The following CNOT1 variants were observed in gnomAD, a reference collection of about 807,000 sequenced individuals.
CNOT1 encodes the protein CCR4-associated factor 1.
Under a neutral mutation model 273.8 loss-of-function variants are expected in CNOT1, and 15 were observed. The ratio of observed to expected loss-of-function variants is 0.05; its 90% CI spans 0.04 to 0.08. The LOEUF is 0.08. CNOT1 is among the 10% of genes least tolerant of loss of function. CNOT1 has a pLI of 1.00. For missense variants in CNOT1, 1,644 were observed against 2,912.2 expected (o/e 0.56, Z 10.02); for synonymous variants, 1,022 against 1,005.5 (o/e 1.02, Z -0.31).
At chr16:58,602,698 T>C (rs1319768479) in intron 1 of CNOT1, among the ~76,000 whole-genome samples, 1 of 150,632 alleles carries the variant, frequency 6.6e-6, no homozygotes, top group Non-Finnish European at 1.5e-5. Flanking sequence ...GCCACCTCAC[T>C]CCAGCCTGGG....
intron 37 of CNOT1, 26 bp downstream of exon 37, chr16:58,538,132 T>C: frequency 6.2e-7 from 1 of 1,607,734 alleles, no homozygotes; most frequent in Non-Finnish European, 8.5e-7. Flanking sequence ...AGTCCTTTTG[T>C]CCGTGCAAGT....
intron 2 of CNOT1, among the ~76,000 whole-genome samples, chr16:58,590,092 G>C (rs916224638): frequency 1.3e-5 from 2 of 152,112 alleles, no homozygotes; most frequent in Admixed American, 1.3e-4. Context: ...GAAAATAATT[G>C]AGCACAGTGT....
chr16:58,540,165 G>T, intron 34 of CNOT1: 1 of 450,128 alleles, frequency 2.2e-6, no homozygotes, highest in Non-Finnish European at 3.9e-6. Context: ...AGGCATAAGG[G>T]AAGAGGTGTT....
At chr16:58,597,369 G>A (rs1443064759) in intron 2 of CNOT1, among the ~76,000 whole-genome samples, 1 of 152,006 alleles carries the variant, frequency 6.6e-6, no homozygotes, top group Non-Finnish European at 1.5e-5. Context: ...CAGCTACTCG[G>A]GAGGCTGAGA....
chr16:58,566,262 A>T (rs1567410954), intron 16 of CNOT1, among the ~76,000 whole-genome samples: 2 of 152,238 alleles, frequency 1.3e-5, no homozygotes, highest in Non-Finnish European at 2.9e-5. Flanking sequence ...CACATTAAAG[A>T]TTACAACTCC....
chr16:58,604,563 C>G (rs546119725), intron 1 of CNOT1, among the ~76,000 whole-genome samples: 1 of 150,336 alleles, frequency 6.7e-6, no homozygotes, highest in Non-Finnish European at 1.5e-5. Flanking sequence ...GGGTGAATCA[C>G]CTGAGGTCGG....
intron 16 of CNOT1, among the ~76,000 whole-genome samples, chr16:58,567,633 A>C (rs1396726980): frequency 1.3e-5 from 2 of 152,126 alleles, no homozygotes; most frequent in Non-Finnish European, 2.9e-5. Context: ...AGCAACTAGA[A>C]AAGTGTCTGA....
intron 16 of CNOT1, among the ~76,000 whole-genome samples, chr16:58,567,836 G>A (rs1428143090): frequency 1.3e-5 from 2 of 152,168 alleles, no homozygotes. Flanking sequence ...AATCAAAACA[G>A]GGTTAAAACA....
intron 2 of CNOT1, among the ~76,000 whole-genome samples, chr16:58,592,740 T>C (rs1435984314): frequency 6.6e-6 from 1 of 152,120 alleles, no homozygotes; most frequent in Admixed American, 6.5e-5. Flanking sequence ...TCTGTTCAAG[T>C]GATGAATCTG....
At chr16:58,525,701 C>T (rs1304406549) in intron 45 of CNOT1, among the ~76,000 whole-genome samples, 2 of 152,264 alleles carry the variant, frequency 1.3e-5, no homozygotes, top group East Asian at 3.9e-4. Context: ...TCCAAAATAT[C>T]CTATAGAGAA....
chr16:58,520,181 G>A lies in CNOT1; in HGVS notation c.*777C>T, dbSNP rs2039316234. On this transcript the variant is annotated 3_prime_UTR_variant, in exon 49 of 49. Transcript: ENST00000317147. ...TAATGGGGGAGAACAATTAATTAAT[G>A]AGATTTGGTTCCCTTTCCTATATTC... 6.6e-6 allele frequency: 1 copy of A among 152,036 alleles called. No individual in the cohort carries two copies. The highest frequency in any genetic ancestry group is 1.5e-5 in the Non-Finnish European group (1 of 68,006). 9.4% of individuals were successfully genotyped at this position (152,036 alleles called of 1,614,324 possible). A position where few individuals can be genotyped will look rare whatever the true frequency, so the allele number is the denominator to read the frequency against.
chr16:58,532,466 T>C, intron 40 of CNOT1, 71 bp from the exon 41 acceptor site: 2 of 1,559,046 alleles, frequency 1.3e-6, no homozygotes, highest in Admixed American at 3.8e-5. Flanking sequence ...GTCATGCTTT[T>C]TAAACTTTGC....
intron 34 of CNOT1, 77 bp from the exon 35 acceptor site, chr16:58,540,036 G>A (rs76150367): frequency 0.014 from 20,331 of 1,439,092 alleles, 199 homozygotes; most frequent in Non-Finnish European, 0.016. Flanking sequence ...ATCAAATAGA[G>A]GTCTACTAGT....
intron 47 of CNOT1, among the ~76,000 whole-genome samples, chr16:58,521,639 C>CA (rs2039377161): frequency 6.6e-6 from 1 of 152,110 alleles, no homozygotes; most frequent in South Asian, 2.1e-4. Context: ...AAAGTTAGTA[C>CA]AAAAAGTAGT....
rs372185281 is a variant in CNOT1 at position 58,587,819 on chromosome 16, C to T, written c.270G>A (p.Thr90=). The T allele has an allele frequency of 8.1e-6, 13 of 1,613,692 alleles. No homozygotes were observed. Among genetic ancestry groups the T allele is most frequent in the African/African-American group, 2.7e-5 (2 of 74,892 alleles). ...LLITKPNFIS[T]LSYAIDNPLH... is the part of the protein sequence containing the mutation. ...ATGGATTATCAATGGCATAGGACAG[C>T]GTCGAGATAAAATTTGGCTTTGTAA... The change falls in exon 4 of 49, where the codon ACG becomes ACA. Residue 90 remains threonine, a synonymous_variant. Coordinates refer to ENST00000317147, the MANE Select transcript of CNOT1 (RefSeq NM_016284.5).
chr16:58,558,708 T>A (rs1275257169), intron 17 of CNOT1, 34 bp from the exon 18 acceptor site: 2 of 1,593,226 alleles, frequency 1.3e-6, no homozygotes, highest in Admixed American at 1.7e-5. Flanking sequence ...GTATTAAACA[T>A]ACTTCGAGGA....
chr16:58,599,509 C>T lies in CNOT1; in HGVS notation c.-172G>A, dbSNP rs1325838951. ...GGTCTTACTCTGTTCTGAAACATGG[C>T]ACCTGTTTAAAAAAACACACACACA... On this transcript the variant is annotated splice_region_variant and 5_prime_UTR_variant, in exon 2 of 49. Coordinates refer to ENST00000317147, the MANE Select transcript of CNOT1 (RefSeq NM_016284.5). 5.6e-6 allele frequency: 4 copies of T among 712,606 alleles called. No individual in the cohort carries two copies. In the East Asian group the frequency reaches 1.1e-4, roughly 20 times the overall value. 44.1% of individuals were successfully genotyped at this position (712,606 alleles called of 1,614,324 possible).
intron 1 of CNOT1, among the ~76,000 whole-genome samples, chr16:58,617,149 C>T (rs2043119417): frequency 6.6e-6 from 1 of 152,076 alleles, no homozygotes. Flanking sequence ...TCACTTGAAC[C>T]TGGAGTTTGA....
chr16:58,629,046 G>A (rs1597642099), intron 1 of CNOT1, among the ~76,000 whole-genome samples: 1 of 152,242 alleles, frequency 6.6e-6, no homozygotes, highest in East Asian at 1.9e-4. Context: ...CGAGTAGGTG[G>A]GGGCCAACTT....
Sources: allele counts gnomAD v4.1 joint callset (sites outside exome capture counted in the v4.1 genomes callset), GRCh38; gene constraint gnomAD v4.1.1; transcripts MANE v1.5; gene names NCBI Gene and HGNC (gene_info 2026-07-23, HGNC 2026-07-21).